DSE: variants seen among roughly 807,000 people sequenced by gnomAD.
The protein encoded by DSE is dermatan-sulfate epimerase.
A neutral mutation model predicts 84.4 loss-of-function variants in DSE; 36 were observed. The observed-to-expected ratio is 0.43, with a 90% CI of 0.33 to 0.56. The LOEUF is 0.56. Among genes scored for constraint, DSE ranks in the 20% least tolerant of loss-of-function variants. DSE has a pLI of 0.06. For missense variants in DSE, 862 were observed against 1,169.6 expected, an observed-to-expected ratio of 0.74 and a Z score of 3.84; for synonymous variants, 410 against 430.1, an observed-to-expected ratio of 0.95 and a Z score of 0.58.
At chr6:116,299,242 G>A (rs1774844399) in intron 2 of DSE, among the ~76,000 whole-genome samples, 1 of 151,974 alleles carries the variant, frequency 6.6e-6, no homozygotes, top group Non-Finnish European at 1.5e-5. Context: ...AACTTGGTTT[G>A]CAAGAGAAAC....
chr6:116,395,228 A>G (rs141635307), intron 1 of DSE, among the ~76,000 whole-genome samples: 1,705 of 150,984 alleles, frequency 0.011, 41 homozygotes, highest in African/African-American at 0.038. Flanking sequence ...GAGCGAGACC[A>G]TCCTGGCTAA....
chr6:116,284,814 C>T (rs1773780687), intron 2 of DSE, among the ~76,000 whole-genome samples: 1 of 152,042 alleles, frequency 6.6e-6, no homozygotes, highest in Non-Finnish European at 1.5e-5. Context: ...ATGATGATTT[C>T]CAGCTTCATC....
intron 2 of DSE, among the ~76,000 whole-genome samples, chr6:116,297,552 A>G (rs1370728641): frequency 6.6e-6 from 1 of 152,236 alleles, no homozygotes; most frequent in African/African-American, 2.4e-5. Flanking sequence ...AGCAGGGGCT[A>G]AAATGAGGAC....
intron 1 of DSE, chr6:116,256,853 C>T (rs1772163178): frequency 1.3e-5 from 2 of 152,090 alleles, no homozygotes; most frequent in Non-Finnish European, 2.9e-5. Context: ...ATTTTGTACA[C>T]AGTAAAGTCT....
At chr6:116,408,123 AT>A in intron 2 of DSE, among the ~76,000 whole-genome samples, 1 of 152,188 alleles carries the variant, frequency 6.6e-6, no homozygotes, top group Middle Eastern at 3.4e-3. Flanking sequence ...GTTACTTTTT[AT>A]TTAATTCATT....
At chr6:116,326,019 T>C (rs1360093679) in intron 2 of DSE, among the ~76,000 whole-genome samples, 1 of 152,156 alleles carries the variant, frequency 6.6e-6, no homozygotes, top group African/African-American at 2.4e-5. Context: ...TCACAGTGCT[T>C]TTCTATACAA....
At chr6:116,341,338 G>A (rs779284867) in intron 2 of DSE, among the ~76,000 whole-genome samples, 11 of 151,858 alleles carry the variant, frequency 7.2e-5, no homozygotes, top group Non-Finnish European at 8.8e-5. Flanking sequence ...AATTTTTTTC[G>A]TGTAAATTTG....
At chr6:116,356,412 A>G (rs1778572341) in intron 2 of DSE, among the ~76,000 whole-genome samples, 1 of 152,160 alleles carries the variant, frequency 6.6e-6, no homozygotes, top group South Asian at 2.1e-4. Context: ...TTACACTAAA[A>G]CCATAATGTT....
At chr6:116,328,469 G>A (rs965046592) in intron 2 of DSE, among the ~76,000 whole-genome samples, 4 of 152,148 alleles carry the variant, frequency 2.6e-5, no homozygotes, top group Admixed American at 6.5e-5. Context: ...GATGGGGTGC[G>A]AAGAGTTTCA....
At chr6:116,419,324 A>G (rs1782927036) in intron 2 of DSE, among the ~76,000 whole-genome samples, 1 of 152,196 alleles carries the variant, frequency 6.6e-6, no homozygotes. Flanking sequence ...TAGTTTTCAC[A>G]TTTAAAATGG....
chr6:116,372,005 T>C (rs1179562599), intron 1 of DSE, among the ~76,000 whole-genome samples: 2 of 152,272 alleles, frequency 1.3e-5, no homozygotes, highest in East Asian at 3.8e-4. Context: ...CTTTTAGTTC[T>C]AGGAATCTTC....
intron 2 of DSE, among the ~76,000 whole-genome samples, chr6:116,360,719 C>G (rs1034074588): frequency 1.3e-5 from 2 of 152,082 alleles, no homozygotes; most frequent in Non-Finnish European, 2.9e-5. Context: ...CCTATTAAGC[C>G]CCAGCACTTT....
At position 116,440,594 on chromosome 6, in the gene DSE, A is replaced by C. The variant is rs1224310502; in HGVS notation, c.*3249A>C. The C allele has an allele frequency of 6.6e-6, 1 of 152,234 alleles. No individual in the cohort carries two copies. The highest frequency in any genetic ancestry group is 1.5e-5 in the Non-Finnish European group (1 of 68,042). 9.4% of individuals were successfully genotyped at this position (152,234 alleles called of 1,614,324 possible). On this transcript the variant is annotated 3_prime_UTR_variant, in exon 6 of 6. Transcript: ENST00000644252. ...AAAGTAAATTAGTGTGTTTTCTTAAAAATCTAAACCAAGATTAAAATGAAT... is the reference window on the plus strand; with the variant it reads ...AAAGTAAATTAGTGTGTTTTCTTAACAATCTAAACCAAGATTAAAATGAAT...
rs1562313827 is a variant in DSE, at chr6:116,436,093, T to C, written c.1625T>C (p.Val542Ala). ...NGVVFIRGEG[V>A]GAYNPQLNLK... ...GTGGTTTTCATCCGAGGAGAAGGTGTGGGAGCTTATAACCCCCAGCTCAAC... is the reference window on the plus strand; with the variant it reads ...GTGGTTTTCATCCGAGGAGAAGGTGCGGGAGCTTATAACCCCCAGCTCAAC... The change falls in exon 6 of 6, where the codon GTG (valine) becomes GCG (alanine). Residue 542 changes from valine to alanine, a missense_variant. Coordinates refer to ENST00000644252, the MANE Select transcript of DSE (RefSeq NM_013352.4). 1 of 1,613,176 alleles carries C rather than the reference T, an allele frequency of 6.2e-7. No homozygotes were observed. Among genetic ancestry groups the C allele is most frequent in the African/African-American group, 1.3e-5 (1 of 74,974 alleles).
At chr6:116,334,721 C>G (rs1299703187) in intron 2 of DSE, among the ~76,000 whole-genome samples, 1 of 151,952 alleles carries the variant, frequency 6.6e-6, no homozygotes, top group Non-Finnish European at 1.5e-5. Flanking sequence ...AAAAAGAAAC[C>G]ATTAAAAAGT....
Position 116,377,091 on chromosome 6 carries a change from G to A in DSE, c.-54+5970G>A, listed in dbSNP as rs139628854. On this transcript the variant is annotated intron_variant, in intron 1 of 5. Transcript: ENST00000644252. Reference sequence around the variant, plus strand: ...ATGCTCTTTTAGTAGAAATTGAATAGGTATACAGTCAGTTTAAGAAGCTGT... The same window carrying A: ...ATGCTCTTTTAGTAGAAATTGAATAAGTATACAGTCAGTTTAAGAAGCTGT... Among the ~76,000 whole-genome samples, 386 of 152,252 alleles carry A rather than the reference G, an allele frequency of 2.5e-3. 1 individual carries two copies. Among genetic ancestry groups the A allele is most frequent in the African/African-American group, 8.8e-3 (366 of 41,528 alleles).
chr6:116,279,664 G>A (rs1236919388), intron 2 of DSE: 9 of 1,607,410 alleles, frequency 5.6e-6, no homozygotes, highest in Non-Finnish European at 7.6e-6. Flanking sequence ...GAGCGCGACG[G>A]TCTCCGAGCC....
chr6:116,278,753 C>A, intron 2 of DSE: 1 of 1,614,118 alleles, frequency 6.2e-7, no homozygotes, highest in Non-Finnish European at 8.5e-7. Context: ...GGTTCATGCC[C>A]CCTGCGCCAT....
chr6:116,294,984 T>C (rs542948741), intron 2 of DSE, among the ~76,000 whole-genome samples: 1 of 152,248 alleles, frequency 6.6e-6, no homozygotes, highest in Admixed American at 6.5e-5. Context: ...GATTTAACGA[T>C]AAAAGACACT....
Sources: allele counts gnomAD v4.1 joint callset (sites outside exome capture counted in the v4.1 genomes callset), GRCh38; gene constraint gnomAD v4.1.1; transcripts MANE v1.5; gene names NCBI Gene and HGNC (gene_info 2026-07-23, HGNC 2026-07-21).